The following EML6 variants were observed in gnomAD, a reference collection of about 807,000 sequenced individuals.
The protein encoded by EML6 is EMAP like 6, also known as echinoderm microtubule-associated protein-like 6.
In EML6, 154 loss-of-function variants were observed where a neutral mutation model predicts 240.1. The ratio of observed to expected loss-of-function variants is 0.64; its 90% CI spans 0.56 to 0.73. The LOEUF is 0.73. Among genes scored for constraint, EML6 ranks in the 30% least tolerant of loss-of-function variants. The pLI, the probability that EML6 is intolerant of heterozygous loss-of-function variation, is 0.00. For synonymous variants in EML6, 1,148 were observed against 899.0 expected (o/e 1.28, Z -4.95); for missense variants, 2,964 against 2,474.6 (o/e 1.20, Z -4.20).
intron 10 of EML6, among the ~76,000 whole-genome samples, chr2:54,852,147 C>A (rs1010334149): frequency 3.9e-5 from 6 of 152,152 alleles, no homozygotes; most frequent in African/African-American, 1.4e-4. Context: ...TAATTGGAAT[C>A]TCTTACTGGT....
chr2:54,890,955 T>C, intron 17 of EML6, 99 bp from the exon 18 acceptor site: 1 of 539,440 alleles, frequency 1.9e-6, no homozygotes, highest in East Asian at 2.9e-5. Flanking sequence ...TTAATGGTCC[T>C]GTTAGATGTG....
intron 28 of EML6, among the ~76,000 whole-genome samples, chr2:54,939,799 G>C (rs1302114039): frequency 6.6e-6 from 1 of 152,198 alleles, no homozygotes; most frequent in African/African-American, 2.4e-5. Flanking sequence ...TGTGTCCCAA[G>C]TGGAATTCCT....
intron 2 of EML6, among the ~76,000 whole-genome samples, chr2:54,810,381 T>C (rs983308983): frequency 6.6e-6 from 1 of 152,196 alleles, no homozygotes; most frequent in Non-Finnish European, 1.5e-5. Flanking sequence ...TGAAGACTTG[T>C]TGAAATCTGT....
At chr2:54,893,629 G>T (rs1181605902) in intron 19 of EML6, among the ~76,000 whole-genome samples, 3 of 152,174 alleles carry the variant, frequency 2.0e-5, no homozygotes, top group Admixed American at 1.3e-4. Flanking sequence ...CAACTTGCCA[G>T]CAAATATCAA....
rs1671502059 is a variant in EML6, at chr2:54,876,250, G to C, written c.2345-3297G>C. ...TACAGGGAAAGTGAGAACTGGGAAAGAGTAAAAAGGTAGCCAATTTTATTT... is the reference window on the plus strand; with the variant it reads ...TACAGGGAAAGTGAGAACTGGGAAACAGTAAAAAGGTAGCCAATTTTATTT... On this transcript the variant is annotated intron_variant, in intron 16 of 41. Transcript: ENST00000356458. Among the ~76,000 whole-genome samples, 3 of 152,176 alleles carry C rather than the reference G, an allele frequency of 2.0e-5. No individual in the cohort carries two copies. The South Asian group carries it at 6.2e-4, about 32-fold the overall frequency.
intron 22 of EML6, 80 bp from the exon 23 acceptor site, chr2:54,902,964 C>T: frequency 7.6e-7 from 1 of 1,311,906 alleles, no homozygotes; most frequent in South Asian, 1.4e-5. Context: ...TGCACATCAT[C>T]AGATTTCTTC....
chr2:54,840,562 C>G (rs56101956), intron 7 of EML6, among the ~76,000 whole-genome samples: 5,081 of 152,244 alleles, frequency 0.033, 245 homozygotes, highest in East Asian at 0.26. Flanking sequence ...CAGAGTAGTG[C>G]TGAATAAAAA....
intron 26 of EML6, among the ~76,000 whole-genome samples, chr2:54,928,027 C>A (rs1176236962): frequency 6.6e-6 from 1 of 152,156 alleles, no homozygotes; most frequent in Non-Finnish European, 1.5e-5. Flanking sequence ...TTTGAGAGAA[C>A]CAGAACAAGC....
chr2:54,742,577 G>A (rs973908739), intron 2 of EML6, among the ~76,000 whole-genome samples: 1 of 152,176 alleles, frequency 6.6e-6, no homozygotes, highest in Non-Finnish European at 1.5e-5. Context: ...CTCCACCCCA[G>A]TTATGCAGGC....
chr2:54,908,412 A>G (rs1181851378), intron 24 of EML6, among the ~76,000 whole-genome samples: 1 of 152,038 alleles, frequency 6.6e-6, no homozygotes, highest in East Asian at 1.9e-4. Flanking sequence ...ATGGGGTTTC[A>G]CCATGTTGCC....
intron 14 of EML6, 112 bp from the exon 15 acceptor site, chr2:54,869,069 G>A: frequency 3.2e-6 from 2 of 629,274 alleles, no homozygotes; most frequent in Admixed American, 2.8e-5. Context: ...TGACACCTGG[G>A]GTTCCACTTG....
At chr2:54,869,989 A>G (rs1462010778) in intron 15 of EML6, among the ~76,000 whole-genome samples, 2 of 152,200 alleles carry the variant, frequency 1.3e-5, no homozygotes, top group Non-Finnish European at 2.9e-5. Flanking sequence ...TTGCTGGCAA[A>G]AGAGTAATAT....
chr2:54,826,298 G>C (rs1351652243), intron 5 of EML6, among the ~76,000 whole-genome samples: 1 of 152,178 alleles, frequency 6.6e-6, no homozygotes, highest in African/African-American at 2.4e-5. Context: ...CTGAGGGGGG[G>C]CTATATCAAG....
rs527911067 is a variant in EML6, at chr2:54,933,725, C to G, written c.4004+4974C>G. Among the ~76,000 whole-genome samples the G allele has an allele frequency of 2.6e-5, 4 of 152,132 alleles. No individual in the cohort carries two copies. The South Asian group carries it at 8.3e-4, about 32-fold the overall frequency. On this transcript the variant is annotated intron_variant, in intron 28 of 41. Coordinates refer to ENST00000356458, the MANE Select transcript of EML6 (RefSeq NM_001039753.4). ...CCAGCCTGGGTGACAGAGTGAGACT[C>G]TGCCTCAAAAAGAAAGAAAAAAAAA...
At chr2:54,968,647 T>C in intron 40 of EML6, 21 bp from the exon 41 acceptor site, 5 of 1,456,090 alleles carry the variant, frequency 3.4e-6, no homozygotes, top group African/African-American at 1.4e-5. Flanking sequence ...CTTAGCTGTC[T>C]CCATTCACTT....
chr2:54,970,264 G>T lies in EML6; in HGVS notation c.*169G>T. 1.5e-6 allele frequency: 1 copy of T among 686,764 alleles called. No individual in the cohort carries two copies. Among genetic ancestry groups the T allele is most frequent in the South Asian group, 1.7e-5 (1 of 59,078 alleles). The allele number at this position is 686,764 out of a possible 1,614,324, so 42.5% of individuals were successfully genotyped here. A position where few individuals can be genotyped will look rare whatever the true frequency, so the allele number is the denominator to read the frequency against. On this transcript the variant is annotated 3_prime_UTR_variant, in exon 42 of 42. Transcript: ENST00000356458. ...GTTACACAACTGCTCCCATAATCTG[G>T]ACTCTCCAAAACCGTGATGCCACGA... is the stretch of plus-strand genomic sequence containing the variant.
chr2:54,742,729 C>T (rs143400888), intron 2 of EML6, among the ~76,000 whole-genome samples: 3,082 of 152,310 alleles, frequency 0.02, 38 homozygotes, highest in Non-Finnish European at 0.026. Context: ...TCTAGACACA[C>T]TGGTAGATTG....
chr2:54,951,460 G>A (rs1675972171), intron 30 of EML6, among the ~76,000 whole-genome samples: 2 of 152,022 alleles, frequency 1.3e-5, no homozygotes, highest in South Asian at 4.1e-4. Context: ...GTTTGAGGTT[G>A]CTTGAACCTG....
At chr2:54,910,520 A>G (rs1673582525) in intron 24 of EML6, among the ~76,000 whole-genome samples, 1 of 152,256 alleles carries the variant, frequency 6.6e-6, no homozygotes, top group South Asian at 2.1e-4. Context: ...ACTCAGTCCT[A>G]AGTAAATGTG....
Sources: allele counts gnomAD v4.1 joint callset (sites outside exome capture counted in the v4.1 genomes callset), GRCh38; gene constraint gnomAD v4.1.1; transcripts MANE v1.5; gene names NCBI Gene and HGNC (gene_info 2026-07-23, HGNC 2026-07-21).